The following AFF2 variants were observed in gnomAD, a reference collection of about 807,000 sequenced individuals.
AFF2 encodes the protein ALF transcription elongation factor 2.
Under a neutral mutation model 76.9 loss-of-function variants are expected in AFF2, and 14 were observed. The ratio of observed to expected loss-of-function variants is 0.18; its 90% CI spans 0.12 to 0.28. The LOEUF is 0.28. AFF2 is among the 10% of genes least tolerant of loss of function. The pLI is 1.00. For synonymous variants in AFF2, 398 were observed against 366.7 expected (o/e 1.09, Z -0.98); for missense variants, 868 against 1,001.1 (o/e 0.87, Z 1.79).
intron 1 of AFF2, among the ~76,000 whole-genome samples, chrX:148,616,109 G>T (rs781819841): frequency 9.0e-6 from 1 of 111,608 alleles, no homozygotes; most frequent in East Asian, 2.9e-4. Flanking sequence ...CCTTGTTCTT[G>T]TCTGCATCCC....
chrX:148,769,698 G>A (rs942086516), intron 3 of AFF2, among the ~76,000 whole-genome samples: 4 of 110,495 alleles, frequency 3.6e-5, no homozygotes, highest in African/African-American at 9.9e-5. Context: ...CAGAGCCGCT[G>A]GAGTAGTATG....
chrX:148,989,823 G>C (rs189325830), intron 20 of AFF2, among the ~76,000 whole-genome samples: 2 of 112,138 alleles, frequency 1.8e-5, no homozygotes, highest in African/African-American at 3.2e-5. Flanking sequence ...GAAGGTTCTG[G>C]TGCTGAAATG....
intron 1 of AFF2, among the ~76,000 whole-genome samples, chrX:148,598,151 A>G (rs147609151): frequency 0.011 from 1,191 of 112,223 alleles, 9 homozygotes; most frequent in African/African-American, 0.037. Context: ...GGTACTAGAC[A>G]TTTTTGAATG....
rs782745404 is a variant in AFF2 at position 148,958,394 on chromosome X, A to G, written c.2626A>G (p.Thr876Ala). ...EKKQRLEEAT[T>A]ICLLPPCISP... ...GAAGCAGCGCCTGGAGGAGGCCACA[A>G]CTATCTGCTTGCTCCCTCCTTGCAT... The change falls in exon 12 of 21, where the codon ACT (threonine) becomes GCT (alanine). Residue 876 changes from threonine to alanine, a missense_variant. Around this residue, in one of 6 missense-constraint regions of AFF2, gnomAD observed 532 missense variants for 564.2 expected, o/e 0.94. Transcript: ENST00000370460. The G allele has an allele frequency of 3.3e-6, 4 of 1,208,695 alleles. No homozygotes were observed. In the African/African-American group the frequency reaches 5.3e-5, roughly 16 times the overall value.
Position 148,955,740 on chromosome X carries a change from A to G in AFF2, c.1695A>G (p.Pro565=), listed in dbSNP as rs1557287144. ...CTCTGCCTCCTCCAATCATCCAACC[A>G]ATGGAAGTCCAGATGAAAGTGAAGA... ...TISLPPPIIQ[P]MEVQMKVKTN... is the part of the protein sequence containing the mutation. Residue 565 remains proline, a synonymous_variant, in exon 11 of 21, where the codon CCA becomes CCG. Coordinates refer to ENST00000370460, the MANE Select transcript of AFF2 (RefSeq NM_002025.4). 1 of 1,211,748 alleles carries G rather than the reference A, an allele frequency of 8.3e-7. No homozygotes were observed.
chrX:148,551,984 G>GGAGAGCTTTCCT (rs1262955663), intron 1 of AFF2, among the ~76,000 whole-genome samples: 1 of 112,246 alleles, frequency 8.9e-6, no homozygotes, highest in Non-Finnish European at 1.9e-5. Context: ...CCAATACTCC[G>GGAGAGCTTTCCT]GAGAGCTTTC....
Position 148,853,379 on chromosome X carries a change from C to T in AFF2, c.1262+9946C>T, listed in dbSNP as rs897483182. 1.5e-4 allele frequency among the ~76,000 whole-genome samples: 17 copies of T among 111,403 alleles called. No individual in the cohort carries two copies. In the East Asian group the frequency reaches 4.0e-3, roughly 26 times the overall value. On this transcript the variant is annotated intron_variant, in intron 7 of 20. Transcript: ENST00000370460. ...CATTTCTGAGTGGCTTAAGTTCCAG[C>T]GCTCTCACTCCCCTGTCATGTGACT... is the stretch of plus-strand genomic sequence containing the variant.
chrX:148,982,472 G>T (rs2072407290), intron 19 of AFF2, among the ~76,000 whole-genome samples: 1 of 111,812 alleles, frequency 8.9e-6, no homozygotes, highest in South Asian at 3.8e-4. Context: ...GAAGGAGCTT[G>T]GGCCTCCCTG....
chrX:148,998,952 C>T lies in AFF2; in HGVS notation c.*7620C>T, dbSNP rs2072641858. 9.1e-6 allele frequency: 1 copy of T among 110,284 alleles called. No homozygotes were observed. Among genetic ancestry groups the T allele is most frequent in the Non-Finnish European group, 1.9e-5 (1 of 52,801 alleles). The allele number at this position is 110,284 out of a possible 1,213,427, so 9.1% of individuals were successfully genotyped here. ...AAATCTGGAGTCTTTGATAAATCTG[C>T]ATTAGACCAGGCTATATGCTAGGAA... On this transcript the variant is annotated 3_prime_UTR_variant, in exon 21 of 21. Transcript: ENST00000370460.
rs183626057 is a variant in AFF2 at position 148,955,742 on chromosome X, T to A, written c.1697T>A (p.Met566Lys). 11 of 1,209,744 alleles carry A rather than the reference T, an allele frequency of 9.1e-6. No individual in the cohort carries two copies. In the Middle Eastern group the frequency reaches 6.9e-4, roughly 76 times the overall value. The change falls in exon 11 of 21, where the codon ATG (methionine) becomes AAG (lysine). Residue 566 changes from methionine (M) to lysine (K), a missense_variant. Coordinates refer to ENST00000370460, the MANE Select transcript of AFF2 (RefSeq NM_002025.4). ...ISLPPPIIQP[M>K]EVQMKVKTNA... is the part of the protein sequence containing the mutation. Reference sequence around the variant, plus strand: ...CTGCCTCCTCCAATCATCCAACCAATGGAAGTCCAGATGAAAGTGAAGACG... The same window carrying A: ...CTGCCTCCTCCAATCATCCAACCAAAGGAAGTCCAGATGAAAGTGAAGACG...
At chrX:148,742,838 A>G (rs2055374892) in intron 3 of AFF2, among the ~76,000 whole-genome samples, 1 of 112,119 alleles carries the variant, frequency 8.9e-6, no homozygotes, top group South Asian at 3.7e-4. Flanking sequence ...TCTTTCTGCA[A>G]TCACTCAAGA....
At chrX:148,549,968 C>T (rs2052972107) in intron 1 of AFF2, among the ~76,000 whole-genome samples, 1 of 111,940 alleles carries the variant, frequency 8.9e-6, no homozygotes, top group Admixed American at 9.5e-5. Flanking sequence ...TTCTGTGGCT[C>T]AGAGATTGTC....
At chrX:148,783,745 A>C (rs560039418) in intron 3 of AFF2, among the ~76,000 whole-genome samples, 2 of 111,536 alleles carry the variant, frequency 1.8e-5, no homozygotes, top group Admixed American at 9.5e-5. Context: ...TCCTAATTTG[A>C]CCCATAGGTG....
chrX:148,656,493 ATTT>A (rs1205846596), intron 2 of AFF2, among the ~76,000 whole-genome samples: 20 of 68,082 alleles, frequency 2.9e-4, no homozygotes, highest in African/African-American at 1.2e-3. Context: ...TCCATGAGGA[ATTT>A]TTTTTTTTTT....
rs1355384975 is a variant in AFF2 at position 148,999,553 on chromosome X, T to A, written c.*8221T>A. ...GTCGCTGGACCATTGTGGCAAGCCA[T>A]AACTGCACAAAGAGTACACATCGTC... On this transcript the variant is annotated 3_prime_UTR_variant, in exon 21 of 21. Coordinates refer to ENST00000370460, the MANE Select transcript of AFF2 (RefSeq NM_002025.4). The A allele has an allele frequency of 9.0e-6, 1 of 111,310 alleles. No homozygotes were observed. The highest frequency in any genetic ancestry group is 1.9e-5 in the Non-Finnish European group (1 of 53,157). The allele number at this position is 111,310 out of a possible 1,213,427, so 9.2% of individuals were successfully genotyped here.
intron 3 of AFF2, among the ~76,000 whole-genome samples, chrX:148,772,107 C>T (rs2069595573): frequency 8.9e-6 from 1 of 111,987 alleles, no homozygotes; most frequent in African/African-American, 3.2e-5. Context: ...TTATGGGCAT[C>T]CTTACATCTT....
chrX:148,719,904 A>C (rs2055070999), intron 3 of AFF2, among the ~76,000 whole-genome samples: 1 of 111,323 alleles, frequency 9.0e-6, no homozygotes, highest in South Asian at 3.8e-4. Flanking sequence ...ACAGACCTAT[A>C]ATGAGGGATG....
chrX:148,532,714 C>G (rs1569550872), intron 1 of AFF2, among the ~76,000 whole-genome samples: 1 of 112,113 alleles, frequency 8.9e-6, no homozygotes, highest in South Asian at 3.7e-4. Context: ...TGAGCTGCTT[C>G]CACAGTATAT....
chrX:148,728,010 C>T (rs2055180374), intron 3 of AFF2, among the ~76,000 whole-genome samples: 1 of 112,205 alleles, frequency 8.9e-6, no homozygotes, highest in Non-Finnish European at 1.9e-5. Flanking sequence ...GCCATTAGAA[C>T]AGGGAAAAAG....
Sources: allele counts gnomAD v4.1 joint callset (sites outside exome capture counted in the v4.1 genomes callset), GRCh38; gene constraint gnomAD v4.1.1; regional missense constraint gnomAD v4.1.1; transcripts MANE v1.5; gene names NCBI Gene and HGNC (gene_info 2026-07-23, HGNC 2026-07-21).